EXOC4: variants seen among roughly 807,000 people sequenced by gnomAD.
The protein encoded by EXOC4 is SEC8-like 1.
In EXOC4, 71 loss-of-function variants were observed where a neutral mutation model predicts 107.2. That is an observed-to-expected ratio of 0.66 (90% CI 0.55 to 0.81). The LOEUF (loss-of-function observed/expected upper bound fraction) is 0.81. Among genes scored for constraint, EXOC4 ranks in the 30% least tolerant of loss-of-function variants. The pLI is 0.00. For missense variants in EXOC4, 1,108 were observed against 1,189.6 expected (o/e 0.93, Z 1.01); for synonymous variants, 456 against 441.2 (o/e 1.03, Z -0.42).
chr7:134,099,368 T>A, the EXOC4 span, among the ~76,000 whole-genome samples: 1 of 151,840 alleles, frequency 6.6e-6, no homozygotes, highest in Non-Finnish European at 1.5e-5. Context: ...CTCTCTTCTC[T>A]CCTGAAGACC....
At chr7:133,852,034 C>T (rs754949698) in intron 11 of EXOC4, among the ~76,000 whole-genome samples, 13 of 152,030 alleles carry the variant, frequency 8.6e-5, no homozygotes, top group Non-Finnish European at 1.6e-4. Context: ...TTGACAAAAC[C>T]AGTAATTTGG....
chr7:133,623,833 T>C (rs1005080029), intron 9 of EXOC4, among the ~76,000 whole-genome samples: 1 of 152,010 alleles, frequency 6.6e-6, no homozygotes, highest in East Asian at 1.9e-4. Flanking sequence ...TTGTGACAAG[T>C]TTAGTGGTGG....
At chr7:133,787,966 TATATATATATATATATA>T (rs1796618934) in intron 10 of EXOC4, among the ~76,000 whole-genome samples, 4 of 16,484 alleles carry the variant, frequency 2.4e-4, no homozygotes, top group African/African-American at 8.6e-4. Flanking sequence ...TATATATTTA[TATATATATATATATATA>T]TATATATATA....
At chr7:133,428,043 GC>G (rs1449573894) in intron 7 of EXOC4, among the ~76,000 whole-genome samples, 1 of 152,208 alleles carries the variant, frequency 6.6e-6, no homozygotes, top group Non-Finnish European at 1.5e-5. Context: ...CTCAACTTAT[GC>G]CTGATAGGAT....
At chr7:133,972,253 GCTT>G (rs1274808524) in intron 14 of EXOC4, among the ~76,000 whole-genome samples, 1 of 152,146 alleles carries the variant, frequency 6.6e-6, no homozygotes, top group Non-Finnish European at 1.5e-5. Flanking sequence ...ATTTTACCCT[GCTT>G]CTTTTTCTCC....
intron 11 of EXOC4, among the ~76,000 whole-genome samples, chr7:133,875,859 A>C (rs1448405115): frequency 6.6e-6 from 1 of 152,190 alleles, no homozygotes; most frequent in Non-Finnish European, 1.5e-5. Context: ...ATCATGGACT[A>C]CCTGAAAAGA....
chr7:133,791,657 C>T (rs566272582), intron 10 of EXOC4, among the ~76,000 whole-genome samples: 3 of 152,240 alleles, frequency 2.0e-5, no homozygotes, highest in African/African-American at 7.2e-5. Flanking sequence ...GGTGTGAAAA[C>T]GACTTTGCAC....
chr7:133,449,377 C>G (rs1798288832), intron 7 of EXOC4, among the ~76,000 whole-genome samples: 1 of 152,160 alleles, frequency 6.6e-6, no homozygotes, highest in Non-Finnish European at 1.5e-5. Flanking sequence ...TTTTAAGCCA[C>G]CCAGTATGTG....
chr7:133,799,498 A>C (rs1270329666), intron 10 of EXOC4, among the ~76,000 whole-genome samples: 1 of 152,246 alleles, frequency 6.6e-6, no homozygotes, highest in Non-Finnish European at 1.5e-5. Context: ...GGTATTCTAA[A>C]ACCTCACTGA....
At chr7:133,729,710 ATTTT>A (rs1213044645) in intron 10 of EXOC4, among the ~76,000 whole-genome samples, 3 of 151,958 alleles carry the variant, frequency 2.0e-5, no homozygotes, top group Non-Finnish European at 2.9e-5. Flanking sequence ...TTAGTTATAG[ATTTT>A]TCTTTTAGAG....
At chr7:134,029,202 GGAGTTCCAAGA>G (rs1461588188) in intron 17 of EXOC4, among the ~76,000 whole-genome samples, 10 of 152,222 alleles carry the variant, frequency 6.6e-5, no homozygotes, top group African/African-American at 2.4e-4. Context: ...CCTCACTGTG[GGAGTTCCAAGA>G]AGTTTTGCGT....
chr7:133,962,686 G>T (rs1360348617), intron 14 of EXOC4, among the ~76,000 whole-genome samples: 1 of 152,196 alleles, frequency 6.6e-6, no homozygotes, highest in African/African-American at 2.4e-5. Flanking sequence ...GCAAAATTGA[G>T]TGTCACCACA....
chr7:133,558,441 C>A (rs1323122115), intron 9 of EXOC4, among the ~76,000 whole-genome samples: 1 of 151,908 alleles, frequency 6.6e-6, no homozygotes, highest in African/African-American at 2.4e-5. Flanking sequence ...TAATCTATTT[C>A]TTTAATTAAA....
In EXOC4 at chr7:133,917,759, G is replaced by C. The variant is rs1311719184; in HGVS notation, c.2027+21G>C. The C allele has an allele frequency of 2.5e-6, 4 of 1,612,046 alleles. No individual in the cohort carries two copies. The South Asian group carries it at 4.4e-5, about 18-fold the overall frequency. On this transcript the variant is annotated intron_variant, in intron 13 of 17. Coordinates refer to ENST00000253861, the MANE Select transcript of EXOC4 (RefSeq NM_021807.4). ...ATAAGGTAAAAGGTCCATTTTCTAA[G>C]TTGTCCTAAACATAGGGAGGAAGCA... is the stretch of plus-strand genomic sequence containing the variant.
chr7:134,043,139 C>A (rs1347860388), intron 17 of EXOC4, among the ~76,000 whole-genome samples: 3 of 144,366 alleles, frequency 2.1e-5, no homozygotes, highest in Non-Finnish European at 4.6e-5. Flanking sequence ...TAGTCTACTC[C>A]ATTTTTTTTT....
At chr7:133,391,328 C>T (rs954551345) in intron 7 of EXOC4, among the ~76,000 whole-genome samples, 6 of 152,174 alleles carry the variant, frequency 3.9e-5, no homozygotes, top group South Asian at 2.1e-4. Context: ...GGGTGATAAA[C>T]GACAGCACAT....
intron 9 of EXOC4, among the ~76,000 whole-genome samples, chr7:133,589,706 C>G (rs1801494797): frequency 6.6e-6 from 1 of 152,288 alleles, no homozygotes; most frequent in South Asian, 2.1e-4. Flanking sequence ...TGTCGGCCCT[C>G]TTTAATTAGG....
chr7:133,768,132 C>T (rs1376143423), intron 10 of EXOC4: 1 of 151,890 alleles, frequency 6.6e-6, no homozygotes, highest in African/African-American at 2.4e-5. Flanking sequence ...AGGACTAAGA[C>T]AGAAGACTAA....
At chr7:134,059,432 C>G (rs1796003791) in intron 17 of EXOC4, among the ~76,000 whole-genome samples, 1 of 152,082 alleles carries the variant, frequency 6.6e-6, no homozygotes, top group South Asian at 2.1e-4. Flanking sequence ...ATCAACAATT[C>G]ATTTATACAT....
Sources: gnomAD v4.1 joint callset for allele counts (sites outside exome capture counted in the v4.1 genomes callset) on GRCh38, gnomAD v4.1.1 for gene constraint, MANE v1.5 for transcripts, NCBI Gene and HGNC (gene_info 2026-07-23, HGNC 2026-07-21) for gene names.